Variants in PLXNA4 observed in about 807,000 individuals in gnomAD.
The protein encoded by PLXNA4 is plexin A4.
In PLXNA4, 44 loss-of-function variants were observed where a neutral mutation model predicts 191.8. The ratio of observed to expected loss-of-function variants is 0.23; its 90% confidence interval spans 0.18 to 0.29. PLXNA4 has a LOEUF of 0.29. Ranked by LOEUF, PLXNA4 falls within the 10% of genes least tolerant of loss-of-function variation. The pLI is 1.00. For missense variants in PLXNA4, 1,800 were observed against 2,488.8 expected (o/e 0.72, Z 5.89); for synonymous variants, 1,082 against 1,009.5 (o/e 1.07, Z -1.36).
intron 2 of PLXNA4, among the ~76,000 whole-genome samples, chr7:132,590,274 G>C (rs1563188575): frequency 6.6e-6 from 1 of 152,208 alleles, no homozygotes; most frequent in Non-Finnish European, 1.5e-5. Flanking sequence ...TAGAGACTAA[G>C]TCAGTTAGGA....
intron 2 of PLXNA4, among the ~76,000 whole-genome samples, chr7:132,494,760 C>CA (rs1442288464): frequency 6.6e-6 from 1 of 152,198 alleles, no homozygotes; most frequent in Non-Finnish European, 1.5e-5. Flanking sequence ...AAATTGCTCC[C>CA]ACTCTGCAGA....
chr7:132,643,709 G>A (rs918591635), intron 2 of PLXNA4, among the ~76,000 whole-genome samples: 7 of 152,128 alleles, frequency 4.6e-5, no homozygotes, highest in Non-Finnish European at 8.8e-5. Context: ...CCAGGACTTT[G>A]AGAGGCCAAG....
intron 3 of PLXNA4, among the ~76,000 whole-genome samples, chr7:132,334,022 T>C (rs950447413): frequency 2.6e-5 from 4 of 152,210 alleles, no homozygotes; most frequent in Admixed American, 1.3e-4. Flanking sequence ...GTTATGCTTA[T>C]TAAATGTGTT....
chr7:132,321,139 C>G (rs186507172), intron 3 of PLXNA4, among the ~76,000 whole-genome samples: 1 of 152,192 alleles, frequency 6.6e-6, no homozygotes, highest in Admixed American at 6.5e-5. Context: ...CCTGGCTCTC[C>G]GTCCGCCACC....
chr7:132,144,926 A>G (rs572349229), intron 29 of PLXNA4, among the ~76,000 whole-genome samples, 193 bp downstream of exon 29: 1 of 152,362 alleles, frequency 6.6e-6, no homozygotes, highest in East Asian at 1.9e-4. Flanking sequence ...GAGGGAAGTA[A>G]GAGAGGGAGT....
At chr7:132,387,861 A>T (rs1030357580) in intron 3 of PLXNA4, among the ~76,000 whole-genome samples, 3 of 152,074 alleles carry the variant, frequency 2.0e-5, no homozygotes, top group Non-Finnish European at 2.9e-5. Flanking sequence ...CCTCAGCCGG[A>T]ACCATGTTCC....
At chr7:132,592,143 A>G (rs1585391209) in intron 2 of PLXNA4, among the ~76,000 whole-genome samples, 1 of 152,132 alleles carries the variant, frequency 6.6e-6, no homozygotes, top group South Asian at 2.1e-4. Flanking sequence ...TGTGCAATTC[A>G]TTTCTCCCTG....
At chr7:132,364,717 C>T (rs1023735406) in intron 3 of PLXNA4, among the ~76,000 whole-genome samples, 4 of 152,314 alleles carry the variant, frequency 2.6e-5, no homozygotes, top group East Asian at 3.9e-4. Context: ...TGGAGAATGA[C>T]GGTTCCTTTT....
chr7:132,132,452 G>A (rs1452009341), intron 31 of PLXNA4, among the ~76,000 whole-genome samples: 4,565 of 56,484 alleles, frequency 0.081, 344 homozygotes, highest in Admixed American at 0.17. Context: ...GTTCTGTTCT[G>A]TTCTGTTCTG....
chr7:132,189,332 G>A (rs1219035958), intron 14 of PLXNA4, among the ~76,000 whole-genome samples: 2 of 152,040 alleles, frequency 1.3e-5, no homozygotes, highest in Non-Finnish European at 2.9e-5. Flanking sequence ...ATTTCACGGT[G>A]GGTTTGCACA....
intron 3 of PLXNA4, among the ~76,000 whole-genome samples, chr7:132,426,301 G>A (rs374432300): frequency 1.2e-3 from 185 of 152,288 alleles, no homozygotes; most frequent in Middle Eastern, 6.8e-3. Context: ...GGGGGTGGGG[G>A]TCCTCTCCCT....
intron 4 of PLXNA4, among the ~76,000 whole-genome samples, chr7:132,274,463 A>G (rs77015475): frequency 0.013 from 1,907 of 152,152 alleles, 35 homozygotes; most frequent in African/African-American, 0.043. Context: ...CAATACCACG[A>G]CCTAAGCTCT....
chr7:132,250,897 T>G (rs1361355476), intron 4 of PLXNA4, among the ~76,000 whole-genome samples: 1 of 152,114 alleles, frequency 6.6e-6, no homozygotes, highest in African/African-American at 2.4e-5. Context: ...AAATGCTCAT[T>G]CTTGACCCCA....
At chr7:132,246,638 G>T (rs1219846473) in intron 4 of PLXNA4, among the ~76,000 whole-genome samples, 1 of 152,040 alleles carries the variant, frequency 6.6e-6, no homozygotes, top group East Asian at 1.9e-4. Context: ...TTTCCCCCTA[G>T]ATCACCTTTC....
chr7:132,467,960 A>G (rs572167239), intron 3 of PLXNA4, among the ~76,000 whole-genome samples: 3 of 152,334 alleles, frequency 2.0e-5, no homozygotes, highest in African/African-American at 7.2e-5. Context: ...ATCAGCAGTA[A>G]CTGCACATGG....
chr7:132,552,903 T>C (rs1246543825), intron 1 of PLXNA4, among the ~76,000 whole-genome samples: 1 of 152,190 alleles, frequency 6.6e-6, no homozygotes, highest in East Asian at 1.9e-4. Flanking sequence ...AAAATTTGCC[T>C]TGGGGCCAGT....
rs548018646 is a variant in PLXNA4, at chr7:132,583,359, G to A, written c.-87+62569C>T. Among the ~76,000 whole-genome samples, 4 of 152,258 alleles carry A rather than the reference G, an allele frequency of 2.6e-5. No individual in the cohort carries two copies. The East Asian group carries it at 7.8e-4, about 30-fold the overall frequency. ...ATGCTTCCTATAGATGGCAGGTAGA[G>A]TAAAAAGAGACTAGAAGCGAGATGT... On this transcript the variant is annotated intron_variant, in intron 2 of 4. Coordinates refer to the PLXNA4 transcript ENST00000378539.
rs751056098 is a variant in PLXNA4, at chr7:132,164,157, A to T, written c.4485T>A (p.Ile1495=). 6.2e-7 allele frequency: 1 copy of T among 1,614,040 alleles called. No individual in the cohort carries two copies. Among genetic ancestry groups the T allele is most frequent in the Admixed American group, 1.7e-5 (1 of 60,032 alleles). ...LSEDKLIRQQ[I]DYKTLVLSCV... ...GTGGGCTCACCAGGGTTTTGTAGTC[A>T]ATCTGCTGGCGGATGAGCTTGTCCT... The change falls in exon 24 of 32, where the codon ATT becomes ATA. Residue 1495 remains isoleucine, a synonymous_variant. Transcript: ENST00000321063.
chr7:132,384,968 T>G (rs4731867), intron 3 of PLXNA4: 1,040,779 of 1,351,264 alleles, frequency 0.77, 402,845 homozygotes, highest in Non-Finnish European at 0.79. Flanking sequence ...AAATTACCCA[T>G]GGGACGCTTG....
Sources: allele counts gnomAD v4.1 joint callset (sites outside exome capture counted in the v4.1 genomes callset), GRCh38; gene constraint gnomAD v4.1.1; transcripts MANE v1.5; gene names NCBI Gene and HGNC (gene_info 2026-07-23, HGNC 2026-07-21).